Variants in ADAM2 observed in about 807,000 individuals in gnomAD.
ADAM2 encodes the protein ADAM metallopeptidase domain 2.
ADAM2 carries 101 observed loss-of-function variants against 99.3 expected under a neutral mutation model. The observed-to-expected ratio is 1.02, with a 90% CI of 0.87 to 1.20. The LOEUF (loss-of-function observed/expected upper bound fraction) is 1.20. ADAM2 is among the 50% of genes most tolerant of loss of function. ADAM2 has a pLI of 0.00. For missense variants in ADAM2, 948 were observed against 878.7 expected (o/e 1.08, Z -1.00); for synonymous variants, 323 against 287.6 (o/e 1.12, Z -1.25).
chr8:39,778,439 T>C (rs1052812596), intron 10 of ADAM2, among the ~76,000 whole-genome samples: 2 of 152,108 alleles, frequency 1.3e-5, no homozygotes, highest in Non-Finnish European at 1.5e-5. Flanking sequence ...CAAGGATGCT[T>C]ACGTCTCTTT....
chr8:39,777,234 A>G, intron 10 of ADAM2, 73 bp from the exon 11 acceptor site: 1 of 1,245,480 alleles, frequency 8.0e-7, no homozygotes, highest in African/African-American at 1.5e-5. Flanking sequence ...CAATTATTAA[A>G]GATCACATGA....
At chr8:39,826,249 C>A (rs1805394403) in intron 3 of ADAM2, among the ~76,000 whole-genome samples, 1 of 151,926 alleles carries the variant, frequency 6.6e-6, no homozygotes, top group Non-Finnish European at 1.5e-5. Context: ...GATATATAGA[C>A]CAATGGAACA....
intron 14 of ADAM2, among the ~76,000 whole-genome samples, chr8:39,763,274 T>C (rs115115510): frequency 0.019 from 2,963 of 152,194 alleles, 88 homozygotes; most frequent in African/African-American, 0.069. Context: ...AGGTTGGTCA[T>C]AGCATCCCTT....
intron 11 of ADAM2, among the ~76,000 whole-genome samples, chr8:39,770,914 T>G (rs1258248393): frequency 1.3e-5 from 2 of 152,242 alleles, no homozygotes; most frequent in Admixed American, 1.3e-4. Context: ...TACAGATTAA[T>G]GCAATAGCCT....
At chr8:39,795,597 A>T (rs779822256) in intron 7 of ADAM2, among the ~76,000 whole-genome samples, 5 of 152,126 alleles carry the variant, frequency 3.3e-5, no homozygotes, top group Non-Finnish European at 7.4e-5. Context: ...GACTGAACCA[A>T]TGTAAATCTT....
At position 39,766,784 on chromosome 8, in the gene ADAM2, C is replaced by T. The variant is rs878932013; in HGVS notation, c.1507+64G>A. On this transcript the variant is annotated intron_variant, in intron 14 of 20. Coordinates refer to ENST00000265708, the MANE Select transcript of ADAM2 (RefSeq NM_001464.5). ...TTTAAAAATCACAATCATGTATCAG[C>T]ATCTATTTCTGTTCAGTTTCCAGAA... The T allele has an allele frequency of 3.0e-5, 31 of 1,025,796 alleles. 2 individuals are homozygous for T. In the South Asian group the frequency reaches 4.4e-4, roughly 14 times the overall value. 63.5% of individuals were successfully genotyped at this position (1,025,796 alleles called of 1,614,324 possible). A position where few individuals can be genotyped will look rare whatever the true frequency, so the allele number is the denominator to read the frequency against.
Position 39,761,186 on chromosome 8 carries a change from ACT to A in ADAM2, c.1601_1602del (p.Gln534LeufsTer2). The A allele has an allele frequency of 6.4e-7, 1 of 1,574,166 alleles. No individual in the cohort carries two copies. The highest frequency in any genetic ancestry group is 8.6e-7 in the Non-Finnish European group (1 of 1,157,426). ...TTTCTGAAAACATACTCAGCTTCAC[ACT>A]GTGTGTATCCTGAATCACTTATACC... ...NCGISDSGYT[Q>X]CEADNLQCGK... is the part of the protein sequence containing the mutation. On this transcript the variant is annotated frameshift_variant, in exon 15 of 21. Coordinates refer to ENST00000265708, the MANE Select transcript of ADAM2 (RefSeq NM_001464.5). LOFTEE classifies it high-confidence loss of function.
intron 18 of ADAM2, among the ~76,000 whole-genome samples, chr8:39,748,549 A>G (rs1823567303): frequency 6.6e-6 from 1 of 152,186 alleles, no homozygotes; most frequent in Non-Finnish European, 1.5e-5. Context: ...TTGTATGTAC[A>G]TTTAGATTTT....
intron 7 of ADAM2, among the ~76,000 whole-genome samples, chr8:39,796,814 A>G (rs889341852): frequency 5.9e-5 from 9 of 151,864 alleles, no homozygotes; most frequent in Admixed American, 1.3e-4. Flanking sequence ...TTTTTTTTCC[A>G]TATGTTCATT....
chr8:39,834,056 TA>T, intron 2 of ADAM2, 57 bp from the exon 3 acceptor site: 1 of 919,456 alleles, frequency 1.1e-6, no homozygotes, highest in Non-Finnish European at 1.7e-6. Flanking sequence ...TTAGAAGGGA[TA>T]ACCATCATTT....
chr8:39,788,798 G>T (rs1422156446), intron 7 of ADAM2, 58 bp from the exon 8 acceptor site: 1 of 907,820 alleles, frequency 1.1e-6, no homozygotes, highest in Non-Finnish European at 1.6e-6. Context: ...TTTAATGATT[G>T]TTATTGTTTC....
chr8:39,829,625 C>T (rs1351668939), intron 3 of ADAM2, among the ~76,000 whole-genome samples: 2 of 151,852 alleles, frequency 1.3e-5, no homozygotes, highest in African/African-American at 4.8e-5. Flanking sequence ...TATGAAAGTG[C>T]ATGTAACTTA....
At chr8:39,833,447 T>C (rs1454840085) in intron 3 of ADAM2, among the ~76,000 whole-genome samples, 3 of 152,100 alleles carry the variant, frequency 2.0e-5, no homozygotes, top group African/African-American at 7.2e-5. Context: ...TTTCTTAGTA[T>C]ATTGTGCTTG....
chr8:39,777,110 A>G lies in ADAM2; in HGVS notation c.943T>C (p.Leu315=), dbSNP rs1803021215. The change falls in exon 11 of 21, where the codon TTG becomes CTG. Residue 315 remains leucine (L), a synonymous_variant. Coordinates refer to ENST00000265708, the MANE Select transcript of ADAM2 (RefSeq NM_001464.5). ...ESLAVILAQL[L]SLSMGITYDD... Reference sequence around the variant, plus strand: ...TAAGTGATCCCCATACTAAGGCTCAATAATTGAGCTAAAATAACTGCAAGT... The same window carrying G: ...TAAGTGATCCCCATACTAAGGCTCAGTAATTGAGCTAAAATAACTGCAAGT... The G allele has an allele frequency of 2.5e-6, 4 of 1,610,470 alleles. No homozygotes were observed. Among genetic ancestry groups the G allele is most frequent in the Non-Finnish European group, 3.4e-6 (4 of 1,177,230 alleles).
chr8:39,824,321 G>T (rs1462101429), intron 4 of ADAM2, among the ~76,000 whole-genome samples: 1 of 149,752 alleles, frequency 6.7e-6, no homozygotes, highest in Non-Finnish European at 1.5e-5. Context: ...ACTAATCCTG[G>T]CAATTTTATT....
At chr8:39,769,639 TA>T (rs1802701701) in intron 11 of ADAM2, 64 bp from the exon 12 acceptor site, 1 of 1,132,644 alleles carries the variant, frequency 8.8e-7, no homozygotes, top group Admixed American at 2.1e-5. Flanking sequence ...ACCCTTAGAA[TA>T]AACCTATACA....
At chr8:39,807,503 C>A (rs986296453) in intron 7 of ADAM2, among the ~76,000 whole-genome samples, 13 of 152,238 alleles carry the variant, frequency 8.5e-5, no homozygotes, top group African/African-American at 2.9e-4. Flanking sequence ...TATTTTGGAG[C>A]CCTGAGCCCC....
intron 9 of ADAM2, among the ~76,000 whole-genome samples, 160 bp downstream of exon 9, chr8:39,787,925 A>G (rs560184547): frequency 6.6e-6 from 1 of 151,922 alleles, no homozygotes; most frequent in African/African-American, 2.4e-5. Flanking sequence ...AATTGATATC[A>G]GTAATTCCAA....
chr8:39,816,007 T>C (rs925619053), intron 6 of ADAM2, among the ~76,000 whole-genome samples: 1 of 150,760 alleles, frequency 6.6e-6, no homozygotes, highest in African/African-American at 2.4e-5. Flanking sequence ...AAAAAAAATG[T>C]GGAGGAGGTC....
Sources: allele counts gnomAD v4.1 joint callset (sites outside exome capture counted in the v4.1 genomes callset), GRCh38; gene constraint gnomAD v4.1.1; transcripts MANE v1.5; gene names NCBI Gene and HGNC (gene_info 2026-07-23, HGNC 2026-07-21).